MYH9: variants seen among roughly 807,000 people sequenced by gnomAD.
MYH9 encodes the protein myosin-9.
Under a neutral mutation model 241.9 loss-of-function variants are expected in MYH9, and 29 were observed. The observed-to-expected ratio is 0.12, with a 90% CI of 0.09 to 0.16. The LOEUF (loss-of-function observed/expected upper bound fraction) is 0.16, where lower values mean the gene tolerates loss of function less well. MYH9 is among the 10% of genes least tolerant of loss of function. The pLI is 1.00. For missense variants in MYH9, 1,803 were observed against 2,595.5 expected (o/e 0.69, Z 6.63); for synonymous variants, 1,047 against 1,062.6 (o/e 0.99, Z 0.29).
chr22:36,382,963 G>GTT (rs1337317177), intron 1 of MYH9, among the ~76,000 whole-genome samples: 1 of 152,126 alleles, frequency 6.6e-6, no homozygotes, highest in African/African-American at 2.4e-5. Flanking sequence ...TTTCACACCT[G>GTT]TAACCCCAGC....
At chr22:36,366,504 G>A (rs2018013429) in intron 1 of MYH9, among the ~76,000 whole-genome samples, 1 of 152,188 alleles carries the variant, frequency 6.6e-6, no homozygotes, top group African/African-American at 2.4e-5. Context: ...CCTTGGCAAA[G>A]TGAAGGGTCA....
In MYH9 at chr22:36,295,608, T is replaced by C. The variant is rs2146338715; in HGVS notation, c.3382A>G (p.Asn1128Asp). 1 of 1,613,952 alleles carries C rather than the reference T, an allele frequency of 6.2e-7. No homozygotes were observed. Among genetic ancestry groups the C allele is most frequent in the East Asian group, 2.2e-5 (1 of 44,880 alleles). Residue 1128 changes from asparagine to aspartate, a missense_variant, in exon 26 of 41, where the codon AAT becomes GAT. Asn to Asp is a conservative substitution (Grantham distance 23). Transcript: ENST00000216181. The surrounding 1 kb of genome is among the most constrained non-coding windows in gnomAD (Gnocchi z 4.1). Reference sequence around the variant, plus strand: ...TCCCGTTTCTGCTTCTCAGCTTTATTCCTGGAAGCACGCTCAGACTCCAGG... The same window carrying C: ...TCCCGTTTCTGCTTCTCAGCTTTATCCCTGGAAGCACGCTCAGACTCCAGG... ...EDLESERASRNKAEKQKRDLG... is the reference protein window; with the variant it reads ...EDLESERASRDKAEKQKRDLG...
chr22:36,380,605 G>C (rs1389466934), intron 1 of MYH9, among the ~76,000 whole-genome samples: 2 of 152,156 alleles, frequency 1.3e-5, no homozygotes, highest in Non-Finnish European at 2.9e-5. Flanking sequence ...GCCAGGCGTG[G>C]TGACAGGTGC....
At chr22:36,350,291 A>G (rs561753803) in intron 1 of MYH9, among the ~76,000 whole-genome samples, 24 of 152,250 alleles carry the variant, frequency 1.6e-4, no homozygotes, top group Non-Finnish European at 3.5e-4. Context: ...TAATCCTAGC[A>G]CTTTGGGAGG....
chr22:36,386,940 C>T (rs1170669520), intron 1 of MYH9, among the ~76,000 whole-genome samples: 3 of 152,268 alleles, frequency 2.0e-5, no homozygotes, highest in Non-Finnish European at 1.5e-5. Flanking sequence ...CTGCTCGTAA[C>T]GGCAGAGCTA....
intron 18 of MYH9, 42 bp downstream of exon 18, chr22:36,304,991 G>A: frequency 6.3e-7 from 1 of 1,596,078 alleles, no homozygotes; most frequent in Admixed American, 1.7e-5. Flanking sequence ...CCCAGACAAG[G>A]GGCTGCCCAT....
rs994391587 is a variant in MYH9, at chr22:36,300,671, T to C, written c.2838+180A>G. On this transcript the variant is annotated intron_variant, in intron 22 of 40. Coordinates refer to ENST00000216181, the MANE Select transcript of MYH9 (RefSeq NM_002473.6). The surrounding 1 kb of genome is among the most constrained non-coding windows in gnomAD (Gnocchi z 5.0). ...AGGCAGTGCTCATGGAGATCTCAGA[T>C]GCACATGTCACAAACTACCAGCCCA... is the stretch of plus-strand genomic sequence containing the variant. Among the ~76,000 whole-genome samples the C allele has an allele frequency of 3.3e-4, 50 of 152,294 alleles. No individual in the cohort carries two copies. Among genetic ancestry groups the C allele is most frequent in the African/African-American group, 1.1e-3 (46 of 41,572 alleles).
chr22:36,367,306 G>A (rs548797859), intron 1 of MYH9, among the ~76,000 whole-genome samples: 2 of 152,276 alleles, frequency 1.3e-5, no homozygotes, highest in East Asian at 3.9e-4. Flanking sequence ...GCACTGCTCT[G>A]GGGTGCCCTG....
intron 18 of MYH9, 82 bp downstream of exon 18, chr22:36,304,951 G>A (rs1340348001): frequency 3.7e-6 from 5 of 1,359,252 alleles, no homozygotes; most frequent in Admixed American, 1.7e-5. Flanking sequence ...CACTGATATA[G>A]CAAGGTGGGC....
chr22:36,287,801 G>GT (rs1465390568), intron 34 of MYH9, among the ~76,000 whole-genome samples: 1 of 152,196 alleles, frequency 6.6e-6, no homozygotes, highest in African/African-American at 2.4e-5. Context: ...ATGATATGGC[G>GT]TATCAGAGCT....
intron 13 of MYH9, 77 bp from the exon 14 acceptor site, chr22:36,312,299 G>A: frequency 1.4e-6 from 2 of 1,459,646 alleles, no homozygotes; most frequent in East Asian, 2.3e-5. Context: ...CCAAAGCCCG[G>A]ACATCAGAAT....
At chr22:36,318,118 C>T (rs1011795816) in intron 11 of MYH9, 89 bp downstream of exon 11, 33 of 1,152,056 alleles carry the variant, frequency 2.9e-5, no homozygotes, top group African/African-American at 4.6e-5. Flanking sequence ...ACACGGACAC[C>T]CCAGGATGGC....
intron 1 of MYH9, among the ~76,000 whole-genome samples, chr22:36,370,898 C>T (rs1227399455): frequency 3.9e-5 from 6 of 152,154 alleles, no homozygotes; most frequent in Non-Finnish European, 8.8e-5. Context: ...TGATACTTAT[C>T]GGGAGTCCAT....
intron 2 of MYH9, among the ~76,000 whole-genome samples, chr22:36,346,193 G>C (rs1220979706): frequency 6.6e-6 from 1 of 151,502 alleles, no homozygotes; most frequent in African/African-American, 2.4e-5. Flanking sequence ...AAAGGAGACT[G>C]TTCCACATAT....
At chr22:36,340,035 G>C (rs1207893545) in intron 3 of MYH9, among the ~76,000 whole-genome samples, 2 of 152,102 alleles carry the variant, frequency 1.3e-5, no homozygotes, top group Admixed American at 6.5e-5. Context: ...AGATGGAGCA[G>C]GTAGGGTGTT....
chr22:36,382,164 C>T (rs2018266943), intron 1 of MYH9, among the ~76,000 whole-genome samples: 1 of 151,816 alleles, frequency 6.6e-6, no homozygotes, highest in Admixed American at 6.6e-5. Context: ...GTACAATATA[C>T]ACTCCCATCA....
At position 36,294,167 on chromosome 22, in the gene MYH9, C is replaced by T. The variant is rs1395501700; in HGVS notation, c.3762G>A (p.Leu1254=). The T allele has an allele frequency of 1.2e-6, 2 of 1,613,572 alleles. No homozygotes were observed. Among genetic ancestry groups the T allele is most frequent in the East Asian group, 2.2e-5 (1 of 44,884 alleles). ...CGTTGAACTTGACCTGCAGCTCCTG[C>T]AGCTGCGCCTCCACTTTCTTGCGCT... The part of the protein sequence containing the change: ...EHKRKKVEAQ[L]QELQVKFNEG... The change falls in exon 28 of 41, where the codon CTG becomes CTA. Residue 1254 remains leucine (L), a synonymous_variant. Transcript: ENST00000216181.
intron 1 of MYH9, among the ~76,000 whole-genome samples, chr22:36,373,150 C>T (rs1347337683): frequency 6.6e-6 from 1 of 152,318 alleles, no homozygotes; most frequent in East Asian, 1.9e-4. Context: ...ACCATTCTCA[C>T]ACCATCCTGG....
At chr22:36,382,273 G>A (rs2018270121) in intron 1 of MYH9, among the ~76,000 whole-genome samples, 1 of 151,974 alleles carries the variant, frequency 6.6e-6, no homozygotes, top group South Asian at 2.1e-4. Context: ...TCAGCAGTTC[G>A]AGACCAGCCT....
Sources: gnomAD v4.1 joint callset for allele counts (sites outside exome capture counted in the v4.1 genomes callset) on GRCh38, gnomAD v4.1.1 for gene constraint, Gnocchi (gnomAD v3.1) non-coding constraint, MANE v1.5 for transcripts, NCBI Gene and HGNC (gene_info 2026-07-23, HGNC 2026-07-21) for gene names.